Variants in ARHGAP35 observed in about 807,000 individuals in gnomAD.
The protein encoded by ARHGAP35 is Rho GTPase activating protein 35.
Under a neutral mutation model 111.1 loss-of-function variants are expected in ARHGAP35, and 15 were observed. The ratio of observed to expected loss-of-function variants is 0.13; its 90% CI spans 0.09 to 0.21. The LOEUF (loss-of-function observed/expected upper bound fraction) is 0.21, where lower values mean the gene tolerates loss of function less well. Among genes scored for constraint, ARHGAP35 ranks in the 10% least tolerant of loss-of-function variants. The pLI is 1.00. For missense variants in ARHGAP35, 1,262 were observed against 1,873.0 expected, an observed-to-expected ratio of 0.67 and a Z score of 6.02; for synonymous variants, 643 against 710.3, an observed-to-expected ratio of 0.91 and a Z score of 1.51.
At position 46,908,529 on chromosome 19, in the gene ARHGAP35, T is replaced by G. The variant is rs558418228; in HGVS notation, c.-188-9959T>G. Among the ~76,000 whole-genome samples the G allele has an allele frequency of 6.6e-6, 1 of 152,208 alleles. No individual in the cohort carries two copies. Among genetic ancestry groups the G allele is most frequent in the Non-Finnish European group, 1.5e-5 (1 of 68,038 alleles). ...TAGGTAATCCAGAAATTATGCTAAA[T>G]CAGTGAGAAAGACTTCTTAGCTTTT... On this transcript the variant is annotated intron_variant, in intron 1 of 6. Coordinates refer to ENST00000672722, the MANE Select transcript of ARHGAP35 (RefSeq NM_004491.5). This position sits in a 1 kb window ranked among gnomAD's most constrained non-coding sequence, Gnocchi z 4.2.
chr19:46,929,531 C>T (rs2056259049), intron 2 of ARHGAP35, among the ~76,000 whole-genome samples: 1 of 150,058 alleles, frequency 6.7e-6, no homozygotes, highest in South Asian at 2.1e-4. Context: ...CTCTCATCCT[C>T]ATTCAGATGG....
In ARHGAP35 at chr19:46,988,320, G is replaced by A. The variant is rs1343754839; in HGVS notation, c.3904+254G>A. ...ACTCCCCACACTGCCACTCACAGAT[G>A]CTCTTCCAGGTTGCCCGGGCACATG... On this transcript the variant is annotated intron_variant, in intron 4 of 6. Coordinates refer to ENST00000672722, the MANE Select transcript of ARHGAP35 (RefSeq NM_004491.5). This position sits in a 1 kb window ranked among gnomAD's most constrained non-coding sequence, Gnocchi z 5.4. 1 of 473,676 alleles carries A rather than the reference G, an allele frequency of 2.1e-6. No individual in the cohort carries two copies. The highest frequency in any genetic ancestry group is 3.9e-6 in the Non-Finnish European group (1 of 256,980). 29.3% of individuals were successfully genotyped at this position (473,676 alleles called of 1,614,324 possible).
chr19:46,987,463 C>T (rs1172272298), intron 3 of ARHGAP35, among the ~76,000 whole-genome samples: 2 of 150,498 alleles, frequency 1.3e-5, no homozygotes, highest in African/African-American at 2.4e-5. Flanking sequence ...GATCCTCCTG[C>T]CTCAGCCTTC....
intron 1 of ARHGAP35, among the ~76,000 whole-genome samples, chr19:46,909,424 A>G (rs886295241): frequency 6.6e-6 from 1 of 152,206 alleles, no homozygotes; most frequent in African/African-American, 2.4e-5. Context: ...TGTGCTGCAC[A>G]TTGAATTTAT....
Position 46,926,229 on chromosome 19 carries a change from C to T in ARHGAP35, c.3681+3873C>T, listed in dbSNP as rs1432865306. Reference sequence around the variant, plus strand: ...TGAGGGAATCGCTTTCATTTCTCCTCATGAAAGTGCAGACTGTAAAGCTGA... The same window carrying T: ...TGAGGGAATCGCTTTCATTTCTCCTTATGAAAGTGCAGACTGTAAAGCTGA... On this transcript the variant is annotated intron_variant, in intron 2 of 6. Transcript: ENST00000672722. The surrounding 1 kb of genome is among the most constrained non-coding windows in gnomAD (Gnocchi z 4.1). Among the ~76,000 whole-genome samples the T allele has an allele frequency of 1.3e-5, 2 of 152,208 alleles. No individual in the cohort carries two copies. Among genetic ancestry groups the T allele is most frequent in the Non-Finnish European group, 2.9e-5 (2 of 68,034 alleles).
chr19:46,973,757 G>T (rs950290709), intron 3 of ARHGAP35, among the ~76,000 whole-genome samples: 7 of 151,750 alleles, frequency 4.6e-5, no homozygotes, highest in Admixed American at 2.6e-4. Context: ...GGAGGCCGAT[G>T]CAGGTGGATC....
intron 2 of ARHGAP35, among the ~76,000 whole-genome samples, chr19:46,928,173 G>T (rs551494737): frequency 2.6e-5 from 4 of 152,018 alleles, no homozygotes; most frequent in Non-Finnish European, 5.9e-5. Context: ...TGTGTTTTTG[G>T]TGATAAAAAT....
In ARHGAP35 at chr19:46,921,095, A is replaced by C; in HGVS notation, c.2420A>C (p.Gln807Pro). The C allele has an allele frequency of 6.2e-7, 1 of 1,613,998 alleles. No homozygotes were observed. Among genetic ancestry groups the C allele is most frequent in the Non-Finnish European group, 8.5e-7 (1 of 1,179,886 alleles). Residue 807 changes from glutamine (Q) to proline (P), a missense_variant, in exon 2 of 7, where the codon CAA becomes CCA. Around this residue, in one of 8 missense-constraint regions of ARHGAP35, gnomAD observed 579 missense variants for 716.9 expected, o/e 0.81. Transcript: ENST00000672722. The surrounding 1 kb of genome is among the most constrained non-coding windows in gnomAD (Gnocchi z 4.3). Reference sequence around the variant, plus strand: ...ATACTTTTTCCTGTCCTTCAGTCCCAAACCTGTAAATCTTCCCATTGTGGA... The same window carrying C: ...ATACTTTTTCCTGTCCTTCAGTCCCCAACCTGTAAATCTTCCCATTGTGGA... ...DDILFPVLQSQTCKSSHCGSN... is the reference protein window; with the variant it reads ...DDILFPVLQSPTCKSSHCGSN...
At chr19:46,867,779 T>TTG (rs1568456861) in intron 1 of ARHGAP35, among the ~76,000 whole-genome samples, 57 of 152,158 alleles carry the variant, frequency 3.7e-4, no homozygotes, top group African/African-American at 1.2e-3. Flanking sequence ...TGTTGTTGTT[T>TTG]TTTTTTTGGA....
At position 46,919,995 on chromosome 19, in the gene ARHGAP35, G is replaced by A. The variant is rs1294354931; in HGVS notation, c.1320G>A (p.Leu440=). The part of the protein sequence containing the change: ...VEMRRAFKEN[L]ETSPFITPGK... ...TGCGAAGGGCGTTTAAAGAAAACCT[G>A]GAGACTTCTCCTTTCATAACTCCCG... is the stretch of plus-strand genomic sequence containing the variant. Residue 440 remains leucine, a synonymous_variant, in exon 2 of 7, where the codon CTG becomes CTA. Transcript: ENST00000672722. This position sits in a 1 kb window ranked among gnomAD's most constrained non-coding sequence, Gnocchi z 6.2. The A allele has an allele frequency of 1.2e-6, 2 of 1,613,824 alleles. No homozygotes were observed. Among genetic ancestry groups the A allele is most frequent in the Non-Finnish European group, 1.7e-6 (2 of 1,179,898 alleles).
rs1190790121 is a variant in ARHGAP35, at chr19:46,993,117, C to T, written c.4036+3442C>T. ...CCAGGCTCAGTCTGGTGGGACAGGA[C>T]ATTCAACAGGTGATTGCAAAGCCGT... On this transcript the variant is annotated intron_variant, in intron 5 of 6. Transcript: ENST00000672722. This position sits in a 1 kb window ranked among gnomAD's most constrained non-coding sequence, Gnocchi z 4.6. Among the ~76,000 whole-genome samples, 1 of 152,232 alleles carries T rather than the reference C, an allele frequency of 6.6e-6. No individual in the cohort carries two copies. Among genetic ancestry groups the T allele is most frequent in the Non-Finnish European group, 1.5e-5 (1 of 68,034 alleles).
chr19:46,929,497 C>G (rs1163897366), intron 2 of ARHGAP35, among the ~76,000 whole-genome samples: 2 of 151,560 alleles, frequency 1.3e-5, no homozygotes, highest in Non-Finnish European at 2.9e-5. Context: ...GTGTGACCCT[C>G]TGGGGCTCTG....
intron 3 of ARHGAP35, among the ~76,000 whole-genome samples, chr19:46,957,871 G>A (rs555527165): frequency 6.6e-6 from 1 of 152,320 alleles, no homozygotes; most frequent in South Asian, 2.1e-4. Flanking sequence ...TAGGAGTTAG[G>A]AAATGAGAAT....
At chr19:46,877,248 C>CAAAAA (rs35968599) in intron 1 of ARHGAP35, among the ~76,000 whole-genome samples, 1 of 89,866 alleles carries the variant, frequency 1.1e-5, no homozygotes, top group Admixed American at 1.3e-4. Flanking sequence ...AAAACTGTCT[C>CAAAAA]AAAAAAAAAA....
intron 3 of ARHGAP35, among the ~76,000 whole-genome samples, chr19:46,973,462 G>A (rs942580108): frequency 5.3e-5 from 8 of 151,482 alleles, no homozygotes; most frequent in African/African-American, 9.7e-5. Context: ...AGGCCAAGGC[G>A]GGTGGATCCG....
At position 46,948,740 on chromosome 19, in the gene ARHGAP35, A is replaced by AGTG. The variant is rs1255815920; in HGVS notation, c.3826+11335_3826+11337dup. The AGTG allele has an allele frequency of 3.3e-5, 5 of 152,240 alleles. 1 individual carries two copies. Among genetic ancestry groups the AGTG allele is most frequent in the Admixed American group, 2.6e-4 (4 of 15,288 alleles). 9.4% of individuals were successfully genotyped at this position (152,240 alleles called of 1,614,324 possible). On this transcript the variant is annotated intron_variant, in intron 3 of 6. Transcript: ENST00000672722. ...CTAACCTACTAATGTGAAGCCAACCAGTGGTAGCCTGGAAGCTGGGATGGC... is the reference window on the plus strand; with the variant it reads ...CTAACCTACTAATGTGAAGCCAACCAGTGGTGGTAGCCTGGAAGCTGGGATGGC...
intron 3 of ARHGAP35, among the ~76,000 whole-genome samples, chr19:46,950,547 G>A (rs1018678007): frequency 3.9e-5 from 6 of 152,228 alleles, no homozygotes; most frequent in African/African-American, 1.2e-4. Context: ...AATCTCTGAG[G>A]CTGATGGCAG....
Position 46,922,350 on chromosome 19 carries a change from C to G in ARHGAP35, c.3675C>G (p.Asn1225Lys). The change falls in exon 2 of 7, where the codon AAC (asparagine) becomes AAG (lysine). Residue 1225 changes from asparagine to lysine, a missense_variant. Physicochemically the swap from Asn to Lys is moderately conservative, Grantham distance 94. Transcript: ENST00000672722. The surrounding 1 kb of genome is among the most constrained non-coding windows in gnomAD (Gnocchi z 4.0). The part of the protein sequence containing the change: ...RRNILRSLRR[N>K]TKKPKPKPRP... ...ATATTCTTCGCAGCCTAAGGAGGAA[C>G]ACTAAGGTAAGACACCAGTCTAGGA... 1 of 1,592,594 alleles carries G rather than the reference C, an allele frequency of 6.3e-7. No individual in the cohort carries two copies. Among genetic ancestry groups the G allele is most frequent in the Non-Finnish European group, 8.6e-7 (1 of 1,169,546 alleles).
In ARHGAP35 at chr19:46,945,698, TG is replaced by T. The variant is rs1234604391; in HGVS notation, c.3826+8291del. Among the ~76,000 whole-genome samples, 2 of 152,314 alleles carry T rather than the reference TG, an allele frequency of 1.3e-5. No individual in the cohort carries two copies. The highest frequency in any genetic ancestry group is 3.9e-4 in the East Asian group (2 of 5,184). On this transcript the variant is annotated intron_variant, in intron 3 of 6. Transcript: ENST00000672722. This position sits in a 1 kb window ranked among gnomAD's most constrained non-coding sequence, Gnocchi z 4.1. ...CCCCACTTGCCTTGGCTCTGCTGTG[TG>T]TGTTCCCGGGTCCCCAGCCTCTCCT...
Sources: allele counts gnomAD v4.1 joint callset (sites outside exome capture counted in the v4.1 genomes callset), GRCh38; gene constraint gnomAD v4.1.1; regional missense constraint gnomAD v4.1.1; non-coding constraint Gnocchi (gnomAD v3.1); transcripts MANE v1.5; gene names NCBI Gene and HGNC (gene_info 2026-07-23, HGNC 2026-07-21).